Variants in SLC67A1 observed in about 807,000 individuals in gnomAD.
SLC67A1 encodes solute carrier family 67 member A1.
the SLC67A1 span, chr11:2,921,188 G>C: frequency 7.2e-6 from 1 of 137,962 alleles, no homozygotes; most frequent in Non-Finnish European, 1.5e-5. Flanking sequence ...CCGAGATCGC[G>C]CCACTGCAGT....
At chr11:2,913,188 C>T in the SLC67A1 span, among the ~76,000 whole-genome samples, 11 of 152,274 alleles carry the variant, frequency 7.2e-5, no homozygotes, top group South Asian at 4.1e-4. Flanking sequence ...GACCCAGGCC[C>T]GCCGCCCCCC....
At chr11:2,903,187 G>A in the SLC67A1 span, 8 of 1,479,214 alleles carry the variant, frequency 5.4e-6, no homozygotes, top group Non-Finnish European at 7.1e-6. Flanking sequence ...TGGGGAGGGG[G>A]TCCTGCAGTG....
chr11:2,903,383 C>G, the SLC67A1 span: 2 of 1,612,916 alleles, frequency 1.2e-6, no homozygotes, highest in Non-Finnish European at 1.7e-6. Context: ...CAGGGCCGGT[C>G]CCCCGGCAGG....
At chr11:2,902,856 G>A in the SLC67A1 span, 4 of 624,072 alleles carry the variant, frequency 6.4e-6, no homozygotes, top group East Asian at 2.6e-4. Context: ...CTGTGTTGGG[G>A]ACAGGGCCAC....
chr11:2,919,685 G>A, the SLC67A1 span: 1 of 507,556 alleles, frequency 2.0e-6, no homozygotes, highest in Non-Finnish European at 3.5e-6. Flanking sequence ...ACCAGAGCAA[G>A]TCTCCCAAAC....
chr11:2,911,200 T>G, the SLC67A1 span, among the ~76,000 whole-genome samples: 1 of 149,914 alleles, frequency 6.7e-6, no homozygotes, highest in South Asian at 2.1e-4. Context: ...TCAAGGGAAA[T>G]GGGGAGAAAA....
At chr11:2,909,255 C>A in the SLC67A1 span, 6 of 1,538,032 alleles carry the variant, frequency 3.9e-6, no homozygotes, top group South Asian at 3.6e-5. Flanking sequence ...GCTGCCTTGG[C>A]GCTCTACCTG....
chr11:2,907,531 C>T, the SLC67A1 span, among the ~76,000 whole-genome samples: 147 of 152,340 alleles, frequency 9.6e-4, 2 homozygotes, highest in South Asian at 0.029. The surrounding 1 kb of genome is among the most constrained non-coding windows in gnomAD (Gnocchi z 6.7). Flanking sequence ...GGCCCTCCCT[C>T]ATGTCCTCAC....
chr11:2,913,201 G>T, the SLC67A1 span, among the ~76,000 whole-genome samples: 1 of 152,184 alleles, frequency 6.6e-6, no homozygotes, highest in Non-Finnish European at 1.5e-5. Context: ...CGCCCCCCCA[G>T]CCAGGTGACT....
At chr11:2,925,129 A>G in the SLC67A1 span, 87 of 1,613,758 alleles carry the variant, frequency 5.4e-5, no homozygotes, top group Middle Eastern at 1.6e-4. The surrounding 1 kb of genome is among the most constrained non-coding windows in gnomAD (Gnocchi z 6.5). Flanking sequence ...GCAGGTTGCT[A>G]TCAATACCCT....
the SLC67A1 span, chr11:2,908,375 G>GC: frequency 6.9e-7 from 1 of 1,450,992 alleles, no homozygotes; most frequent in Non-Finnish European, 9.5e-7. Flanking sequence ...AGTGACCCAG[G>GC]CCCCCTCTCA....
the SLC67A1 span, chr11:2,916,721 C>G: frequency 2.5e-6 from 4 of 1,612,872 alleles, no homozygotes; most frequent in African/African-American, 5.3e-5. Context: ...CCAAAACTGA[C>G]GCCCAGGCTC....
At chr11:2,905,157 C>G in the SLC67A1 span, among the ~76,000 whole-genome samples, 3 of 152,196 alleles carry the variant, frequency 2.0e-5, no homozygotes, top group African/African-American at 7.2e-5. Flanking sequence ...CAAGGCAGTT[C>G]AGCACAGAGG....
chr11:2,903,176 CT>C, the SLC67A1 span: 1 of 1,459,926 alleles, frequency 6.8e-7, no homozygotes, highest in South Asian at 1.4e-5. Flanking sequence ...GAGAGCTCCA[CT>C]GGGGAGGGGG....
At chr11:2,909,289 G>C in the SLC67A1 span, 2 of 1,534,284 alleles carry the variant, frequency 1.3e-6, no homozygotes, top group Non-Finnish European at 1.7e-6. Flanking sequence ...CCTCCAGCCC[G>C]GCCCTGCCCG....
At chr11:2,912,442 G>C in the SLC67A1 span, among the ~76,000 whole-genome samples, 1 of 152,252 alleles carries the variant, frequency 6.6e-6, no homozygotes, top group Non-Finnish European at 1.5e-5. Context: ...TGGTGCAGCT[G>C]TGAACATCCC....
At chr11:2,918,119 C>T in the SLC67A1 span, 1 of 1,584,338 alleles carries the variant, frequency 6.3e-7, no homozygotes, top group Non-Finnish European at 8.7e-7. Flanking sequence ...ACTGCCCCAA[C>T]AGCGGCCAGA....
chr11:2,909,743 G>C, the SLC67A1 span: 1 of 1,434,114 alleles, frequency 7.0e-7, no homozygotes, highest in East Asian at 2.8e-5. Context: ...GAGTCTGTGG[G>C]TCAGGACGCC....
At chr11:2,902,093 C>A in the SLC67A1 span, 3 of 152,250 alleles carry the variant, frequency 2.0e-5, no homozygotes, top group Non-Finnish European at 4.4e-5. Context: ...GGGCACGGGG[C>A]GAGCCCGCTG....
Sources: allele counts gnomAD v4.1 joint callset (sites outside exome capture counted in the v4.1 genomes callset), GRCh38; gene constraint gnomAD v4.1.1; non-coding constraint Gnocchi (gnomAD v3.1); transcripts MANE v1.5; gene names NCBI Gene and HGNC (gene_info 2026-07-23, HGNC 2026-07-21).